Variants in SAMMSON observed in about 807,000 individuals in gnomAD.
SAMMSON encodes the protein survival associated mitochondrial melanoma specific oncogenic non-coding RNA.
chr3:70,215,845 A>G (rs1000464508), intron 4 of SAMMSON, among the ~76,000 whole-genome samples: 5 of 152,124 alleles, frequency 3.3e-5, no homozygotes, highest in Non-Finnish European at 7.4e-5. Flanking sequence ...TTGACAATGG[A>G]CTCATCCTTA....
intron 6 of SAMMSON, among the ~76,000 whole-genome samples, chr3:70,255,731 A>G (rs116713811): frequency 0.023 from 3,566 of 152,238 alleles, 150 homozygotes; most frequent in African/African-American, 0.081. Context: ...GGGGAGGATT[A>G]CAGGTATGAT....
chr3:70,033,526 C>T (rs1301766104), intron 3 of SAMMSON, among the ~76,000 whole-genome samples: 1 of 152,014 alleles, frequency 6.6e-6, no homozygotes, highest in Non-Finnish European at 1.5e-5. Flanking sequence ...GCGAAATATG[C>T]TGGGATTAGT....
chr3:70,317,816 C>A (rs1702505714), intron 7 of SAMMSON, among the ~76,000 whole-genome samples: 1 of 151,672 alleles, frequency 6.6e-6, no homozygotes, highest in Non-Finnish European at 1.5e-5. Flanking sequence ...ATTTTCAGCA[C>A]TTCTTGAAAT....
At chr3:70,220,545 C>G (rs1701452967) in intron 4 of SAMMSON, among the ~76,000 whole-genome samples, 1 of 152,110 alleles carries the variant, frequency 6.6e-6, no homozygotes, top group African/African-American at 2.4e-5. Context: ...TACCAAAGCA[C>G]TGAAGTGAAT....
intron 2 of SAMMSON, among the ~76,000 whole-genome samples, chr3:70,421,442 G>A (rs974088165): frequency 1.3e-5 from 2 of 152,082 alleles, no homozygotes; most frequent in East Asian, 1.9e-4. Flanking sequence ...CTAGATCTTA[G>A]GAGGATTTCT....
intron 2 of SAMMSON, among the ~76,000 whole-genome samples, chr3:70,404,363 C>T (rs976895968): frequency 2.0e-5 from 3 of 152,098 alleles, no homozygotes; most frequent in African/African-American, 7.2e-5. Flanking sequence ...CATTAATGGA[C>T]ATTATATTGA....
chr3:70,317,831 A>T (rs890073598), intron 7 of SAMMSON, among the ~76,000 whole-genome samples: 3 of 151,772 alleles, frequency 2.0e-5, no homozygotes, highest in African/African-American at 7.3e-5. Context: ...TGAAATGTGG[A>T]TATCCTGGTG....
intron 3 of SAMMSON, among the ~76,000 whole-genome samples, chr3:70,061,187 G>A (rs533257689): frequency 6.6e-6 from 1 of 152,028 alleles, no homozygotes; most frequent in Non-Finnish European, 1.5e-5. Flanking sequence ...GGATTTGGGG[G>A]AGAAAAATGA....
intron 7 of SAMMSON, among the ~76,000 whole-genome samples, chr3:70,350,633 T>C (rs1394489637): frequency 1.3e-5 from 2 of 152,188 alleles, no homozygotes; most frequent in African/African-American, 4.8e-5. Context: ...TCTTACTAGC[T>C]ATTTCATTCA....
intron 7 of SAMMSON, among the ~76,000 whole-genome samples, chr3:70,309,635 T>C (rs1050906187): frequency 6.6e-6 from 1 of 152,164 alleles, no homozygotes; most frequent in Non-Finnish European, 1.5e-5. Flanking sequence ...CTGCACCACT[T>C]TGACTTTTTT....
intron 4 of SAMMSON, among the ~76,000 whole-genome samples, chr3:70,153,545 G>A (rs1306089818): frequency 6.6e-6 from 1 of 151,828 alleles, no homozygotes; most frequent in Non-Finnish European, 1.5e-5. Flanking sequence ...TTCACCTGGG[G>A]AACATGAAAG....
chr3:70,020,110 G>C (rs1023699269), intron 3 of SAMMSON, among the ~76,000 whole-genome samples: 1 of 152,118 alleles, frequency 6.6e-6, no homozygotes, highest in Admixed American at 6.5e-5. Flanking sequence ...TGGTGTTCCT[G>C]CAGCATATGA....
chr3:70,250,282 ACT>A (rs369101712), intron 6 of SAMMSON, among the ~76,000 whole-genome samples: 2 of 151,780 alleles, frequency 1.3e-5, no homozygotes, highest in South Asian at 2.1e-4. Flanking sequence ...GATTAATTCT[ACT>A]CTCTTAGGAT....
At chr3:70,346,926 G>T (rs1255683091) in intron 7 of SAMMSON, among the ~76,000 whole-genome samples, 1 of 152,110 alleles carries the variant, frequency 6.6e-6, no homozygotes, top group African/African-American at 2.4e-5. Context: ...TTTCTGATAT[G>T]CACAAGCTGA....
At chr3:70,075,296 A>C (rs1021042488) in intron 4 of SAMMSON, 3 of 152,138 alleles carry the variant, frequency 2.0e-5, no homozygotes, top group Non-Finnish European at 4.4e-5. Flanking sequence ...GTTTCTTAAA[A>C]TAGCAATGTT....
chr3:70,115,353 A>G (rs926818612), intron 4 of SAMMSON, among the ~76,000 whole-genome samples: 2 of 152,086 alleles, frequency 1.3e-5, no homozygotes, highest in African/African-American at 4.8e-5. Context: ...TATTAGGGCT[A>G]CTTTAATTTT....
At chr3:70,132,773 AAAAAAAAAAAAGAAAAG>A (rs2067487641) in intron 4 of SAMMSON, among the ~76,000 whole-genome samples, 1 of 98,434 alleles carries the variant, frequency 1.0e-5, no homozygotes, top group East Asian at 8.5e-4. Context: ...GAGACCCTAA[AAAAAAAAAAAAGAAAAG>A]AAAAAAAAAA....
intron 4 of SAMMSON, among the ~76,000 whole-genome samples, chr3:70,239,202 CAGTTCAACT>C (rs1458463170): frequency 6.6e-6 from 1 of 152,160 alleles, no homozygotes; most frequent in Admixed American, 6.6e-5. Flanking sequence ...AGTACGTACT[CAGTTCAACT>C]ATGTCATGAA....
rs778893823 is a variant in SAMMSON at position 70,124,801 on chromosome 3, C to T, written n.507+53236C>T. ...GTGCACTCCAGCCCAGGCAACAGAG[C>T]GAGACTCCATCTCAAAAAAAAAAAA... On this transcript the variant is annotated intron_variant and non_coding_transcript_variant, in intron 4 of 9. Coordinates refer to ENST00000642114, the Ensembl canonical transcript of SAMMSON. Among the ~76,000 whole-genome samples, 10 of 102,112 alleles carry T rather than the reference C, an allele frequency of 9.8e-5. No homozygotes were observed. In the East Asian group the frequency reaches 1.6e-3, roughly 17 times the overall value. The allele number at this position is 102,112 out of a possible 152,430, so 67.0% of individuals were successfully genotyped here. A position where few individuals can be genotyped will look rare whatever the true frequency, so the allele number is the denominator to read the frequency against.
Sources: allele counts gnomAD v4.1 joint callset (sites outside exome capture counted in the v4.1 genomes callset), GRCh38; gene constraint gnomAD v4.1.1; transcripts MANE v1.5; gene names NCBI Gene and HGNC (gene_info 2026-07-23, HGNC 2026-07-21).